The following CCDC15 variants were observed in gnomAD, a reference collection of about 807,000 sequenced individuals.
CCDC15 encodes the protein coiled-coil domain-containing protein 15.
A neutral mutation model predicts 114.5 loss-of-function variants in CCDC15; 105 were observed. That is an observed-to-expected ratio of 0.92 (90% CI 0.78 to 1.08). The LOEUF is 1.08. Among genes scored for constraint, CCDC15 ranks in the 50% least tolerant of loss-of-function variants. The pLI, the probability that CCDC15 is intolerant of heterozygous loss-of-function variation, is 0.00. For synonymous variants in CCDC15, 334 were observed against 377.8 expected (o/e 0.88, Z 1.34); for missense variants, 1,105 against 1,093.6 (o/e 1.01, Z -0.15).
intron 13 of CCDC15, among the ~76,000 whole-genome samples, chr11:125,013,852 A>G (rs1330326748): frequency 6.6e-6 from 1 of 152,218 alleles, no homozygotes; most frequent in Non-Finnish European, 1.5e-5. Flanking sequence ...AATATGTTTC[A>G]GCATGACATT....
Position 124,959,266 on chromosome 11 carries a change from T to C in CCDC15, c.327+2T>C, listed in dbSNP as rs770627596. On this transcript the variant is annotated splice_donor_variant, in intron 3 of 15. Transcript: ENST00000344762. LOFTEE classifies it high-confidence loss of function. ...CAGCTTCAGAAGTCTTATGAAAGAG[T>C]AAGTTCAAAAGTGAGCCTGAGTAAA... The C allele has an allele frequency of 1.3e-6, 2 of 1,570,122 alleles. No homozygotes were observed. The highest frequency in any genetic ancestry group is 1.7e-6 in the Non-Finnish European group (2 of 1,163,370).
chr11:125,037,664 T>C (rs1250487079), intron 13 of CCDC15: 1 of 152,292 alleles, frequency 6.6e-6, no homozygotes, highest in East Asian at 1.9e-4. Context: ...CTAGCAGTTA[T>C]AGGGTTTACT....
rs981830133 is a variant in CCDC15 at position 125,040,963 on chromosome 11, C to G, written c.*252C>G. The G allele has an allele frequency of 9.8e-6, 4 of 407,360 alleles. No individual in the cohort carries two copies. The Admixed American group carries it at 1.5e-4, about 16-fold the overall frequency. 25.2% of individuals were successfully genotyped at this position (407,360 alleles called of 1,614,324 possible). ...TTAAAATATGATCAGACAAGTAAGG[C>G]TTCTCTTACTTTGCTCTGCTCTGAT... On this transcript the variant is annotated 3_prime_UTR_variant, in exon 16 of 16. Coordinates refer to ENST00000344762, the MANE Select transcript of CCDC15 (RefSeq NM_025004.3).
At chr11:124,976,538 C>T (rs1947976264) in intron 5 of CCDC15, among the ~76,000 whole-genome samples, 1 of 151,832 alleles carries the variant, frequency 6.6e-6, no homozygotes, top group African/African-American at 2.4e-5. Context: ...TCATACCTAT[C>T]GTGGTTTGGT....
chr11:125,039,141 A>G, intron 15 of CCDC15, 72 bp downstream of exon 15: 1 of 1,367,802 alleles, frequency 7.3e-7, no homozygotes, highest in Non-Finnish European at 9.9e-7. Context: ...GGTAATAGTA[A>G]TTTACCATTT....
intron 13 of CCDC15, among the ~76,000 whole-genome samples, chr11:125,034,653 T>C (rs1366255459): frequency 6.6e-6 from 1 of 152,222 alleles, no homozygotes; most frequent in African/African-American, 2.4e-5. Flanking sequence ...ACTAAACTCC[T>C]TGCCTTTCAT....
chr11:124,988,261 A>T, intron 8 of CCDC15, 127 bp downstream of exon 8: 1 of 978,088 alleles, frequency 1.0e-6, no homozygotes, highest in South Asian at 1.8e-5. Flanking sequence ...ATTGCAATAA[A>T]GCAAATATTG....
At position 125,038,555 on chromosome 11, in the gene CCDC15, G is replaced by C; in HGVS notation, c.2536G>C (p.Glu846Gln). ...SEILAQLQLQ[E>Q]IKGTREKQQR... ...GATATTAGCCCAGTTACAACTTCAAGAAATAAAAGGAACCAGAGAAAAACA... is the reference window on the plus strand; with the variant it reads ...GATATTAGCCCAGTTACAACTTCAACAAATAAAAGGAACCAGAGAAAAACA... Residue 846 changes from glutamate to glutamine, a missense_variant, in exon 14 of 16, where the codon GAA becomes CAA. By Grantham distance (29) the Glu-to-Gln change is conservative. Transcript: ENST00000344762. 6.3e-7 allele frequency: 1 copy of C among 1,578,906 alleles called. No homozygotes were observed. Among genetic ancestry groups the C allele is most frequent in the Non-Finnish European group, 8.6e-7 (1 of 1,164,462 alleles).
intron 5 of CCDC15, 150 bp from the exon 6 acceptor site, chr11:124,977,328 A>C: frequency 3.7e-6 from 2 of 538,422 alleles, no homozygotes; most frequent in Non-Finnish European, 6.1e-6. Flanking sequence ...TGTACATATG[A>C]AGTAGAACTC....
At chr11:125,028,901 T>C (rs1262339078) in intron 13 of CCDC15, among the ~76,000 whole-genome samples, 1 of 152,094 alleles carries the variant, frequency 6.6e-6, no homozygotes, top group African/African-American at 2.4e-5. Context: ...TAGATAAATA[T>C]ATATAAGGGG....
chr11:124,955,310 A>G (rs979873123), intron 2 of CCDC15, among the ~76,000 whole-genome samples: 4 of 152,240 alleles, frequency 2.6e-5, no homozygotes, highest in African/African-American at 4.8e-5. Flanking sequence ...TGGTTGCTTA[A>G]GGTTTATGAT....
intron 13 of CCDC15, among the ~76,000 whole-genome samples, chr11:125,011,696 A>G (rs1266482898): frequency 3.3e-5 from 5 of 152,212 alleles, no homozygotes; most frequent in Non-Finnish European, 7.3e-5. Context: ...GCCTGCCTCT[A>G]ATATTTGCAG....
intron 13 of CCDC15, among the ~76,000 whole-genome samples, chr11:125,006,040 T>C (rs572803213): frequency 2.2e-4 from 33 of 152,320 alleles, no homozygotes; most frequent in African/African-American, 7.7e-4. Flanking sequence ...GTACAAGTTT[T>C]TGTGGGGGCA....
chr11:124,990,138 A>G (rs1174046828), intron 8 of CCDC15, among the ~76,000 whole-genome samples: 1 of 152,148 alleles, frequency 6.6e-6, no homozygotes, highest in Non-Finnish European at 1.5e-5. Flanking sequence ...CTTAGAGACC[A>G]TTGTAGGGTT....
At chr11:124,960,534 A>G (rs1947641738) in intron 4 of CCDC15, among the ~76,000 whole-genome samples, 1 of 152,076 alleles carries the variant, frequency 6.6e-6, no homozygotes, top group African/African-American at 2.4e-5. Context: ...GTGGCATTTC[A>G]TTTATTATTT....
At chr11:125,010,188 A>G (rs947383754) in intron 13 of CCDC15, among the ~76,000 whole-genome samples, 5 of 151,796 alleles carry the variant, frequency 3.3e-5, no homozygotes, top group Non-Finnish European at 5.9e-5. Context: ...TTATTTTTTG[A>G]CTTTTTACTA....
In CCDC15 at chr11:124,966,176, G is replaced by A. The variant is rs144429561; in HGVS notation, c.516+6173G>A. Reference sequence around the variant, plus strand: ...TTAGGTCCACTTGTTGCAGAGCTGAGTTCAAGTCCTGTATATCCTTGTTAA... The same window carrying A: ...TTAGGTCCACTTGTTGCAGAGCTGAATTCAAGTCCTGTATATCCTTGTTAA... On this transcript the variant is annotated intron_variant, in intron 4 of 15. Coordinates refer to ENST00000344762, the MANE Select transcript of CCDC15 (RefSeq NM_025004.3). Among the ~76,000 whole-genome samples the A allele has an allele frequency of 4.6e-3, 705 of 152,304 alleles. 10 individuals are homozygous for A. The highest frequency in any genetic ancestry group is 0.015 in the African/African-American group (621 of 41,554).
intron 13 of CCDC15, among the ~76,000 whole-genome samples, chr11:125,009,173 G>C (rs181903182): frequency 6.6e-6 from 1 of 150,946 alleles, no homozygotes; most frequent in Admixed American, 6.6e-5. Flanking sequence ...GTTGCAGTGA[G>C]CCGAGATCGT....
At chr11:125,036,697 A>G (rs1948776728) in intron 13 of CCDC15, among the ~76,000 whole-genome samples, 1 of 152,088 alleles carries the variant, frequency 6.6e-6, no homozygotes, top group Admixed American at 6.6e-5. Context: ...GTATTTTCAA[A>G]TAGCCTGTCT....
Sources: allele counts gnomAD v4.1 joint callset (sites outside exome capture counted in the v4.1 genomes callset), GRCh38; gene constraint gnomAD v4.1.1; transcripts MANE v1.5; gene names NCBI Gene and HGNC (gene_info 2026-07-23, HGNC 2026-07-21).